The following SLC10A7 variants were observed in gnomAD, a reference collection of about 807,000 sequenced individuals.
SLC10A7 encodes sodium/bile acid cotransporter 7.
SLC10A7 carries 29 observed loss-of-function variants against 43.2 expected under a neutral mutation model. That is an observed-to-expected ratio of 0.67 (90% CI 0.50 to 0.92). SLC10A7 has a LOEUF of 0.92. Among genes scored for constraint, SLC10A7 ranks in the 40% least tolerant of loss-of-function variants. The pLI is 0.00. For missense variants in SLC10A7, 295 were observed against 403.2 expected, an observed-to-expected ratio of 0.73 and a Z score of 2.30; for synonymous variants, 152 against 144.8, an observed-to-expected ratio of 1.05 and a Z score of -0.35.
chr4:146,333,062 A>G (rs1272324996), intron 5 of SLC10A7, among the ~76,000 whole-genome samples: 1 of 152,170 alleles, frequency 6.6e-6, no homozygotes, highest in Non-Finnish European at 1.5e-5. Flanking sequence ...AGGTGAATAT[A>G]TGGTTTATGT....
At chr4:146,392,190 GAA>G (rs1738480937) in intron 5 of SLC10A7, among the ~76,000 whole-genome samples, 1 of 152,114 alleles carries the variant, frequency 6.6e-6, no homozygotes, top group African/African-American at 2.4e-5. Context: ...TATAATTTCT[GAA>G]ATTCGTGAAT....
intron 5 of SLC10A7, among the ~76,000 whole-genome samples, chr4:146,407,937 T>G (rs1313046809): frequency 1.3e-5 from 2 of 152,154 alleles, no homozygotes; most frequent in African/African-American, 4.8e-5. Flanking sequence ...AATGTTATCA[T>G]TTCCTACACG....
intron 5 of SLC10A7, among the ~76,000 whole-genome samples, chr4:146,406,913 G>A (rs937490185): frequency 2.0e-5 from 3 of 152,160 alleles, no homozygotes; most frequent in Non-Finnish European, 4.4e-5. Flanking sequence ...AATCAGGGAG[G>A]TGGAGGTTGC....
At chr4:146,513,954 T>C (rs892967933) in intron 2 of SLC10A7, 3 of 152,158 alleles carry the variant, frequency 2.0e-5, no homozygotes, top group African/African-American at 7.2e-5. Flanking sequence ...TCCATTAAAA[T>C]AAACTTAAGA....
At chr4:146,496,088 A>G (rs1278615754) in intron 4 of SLC10A7, among the ~76,000 whole-genome samples, 2 of 152,166 alleles carry the variant, frequency 1.3e-5, no homozygotes, top group African/African-American at 4.8e-5. Flanking sequence ...GGTGGAGCTG[A>G]CCTCACTTGT....
intron 5 of SLC10A7, among the ~76,000 whole-genome samples, chr4:146,382,581 C>T (rs1325031825): frequency 6.6e-6 from 1 of 152,032 alleles, no homozygotes; most frequent in African/African-American, 2.4e-5. Context: ...TAGGGGTTAC[C>T]AAGGCATGTT....
intron 4 of SLC10A7, among the ~76,000 whole-genome samples, chr4:146,444,594 A>G (rs1384011044): frequency 3.3e-5 from 5 of 152,208 alleles, no homozygotes; most frequent in Admixed American, 3.3e-4. Flanking sequence ...TCTCTTCTTT[A>G]ACCCAAACGC....
At chr4:146,380,178 C>A (rs1737510724) in intron 5 of SLC10A7, among the ~76,000 whole-genome samples, 1 of 151,962 alleles carries the variant, frequency 6.6e-6, no homozygotes, top group African/African-American at 2.4e-5. Context: ...TAGTTTTAAT[C>A]CCTCTGGATC....
rs72954574 is a variant in SLC10A7 at position 146,479,815 on chromosome 4, A to C, written c.396+24034T>G. ...TGATATAAAAACCCAAAGACAATAA[A>C]AATTCCAATATCTTTTGTTTAGACT... On this transcript the variant is annotated intron_variant, in intron 4 of 11. Coordinates refer to ENST00000335472, the MANE Select transcript of SLC10A7 (RefSeq NM_001029998.6). Among the ~76,000 whole-genome samples the C allele has an allele frequency of 8.9e-3, 1,352 of 152,328 alleles. 19 individuals carry two copies. The highest frequency in any genetic ancestry group is 0.03 in the African/African-American group (1,265 of 41,574).
intron 5 of SLC10A7, among the ~76,000 whole-genome samples, chr4:146,387,372 T>A (rs1738087014): frequency 6.6e-6 from 1 of 152,170 alleles, no homozygotes; most frequent in African/African-American, 2.4e-5. Flanking sequence ...AAAAACCATA[T>A]GATCATCTCA....
intron 5 of SLC10A7, among the ~76,000 whole-genome samples, chr4:146,400,890 C>T (rs1042207685): frequency 6.6e-6 from 1 of 152,158 alleles, no homozygotes; most frequent in African/African-American, 2.4e-5. Context: ...AGTGAGTCTG[C>T]ATGCACTAAA....
intron 9 of SLC10A7, among the ~76,000 whole-genome samples, chr4:146,287,533 G>A (rs2111154078): frequency 6.6e-6 from 1 of 152,294 alleles, no homozygotes; most frequent in South Asian, 2.1e-4. Context: ...TGTAAAGTGT[G>A]AGCCAACTTT....
intron 4 of SLC10A7, among the ~76,000 whole-genome samples, chr4:146,447,923 TA>T (rs1165081631): frequency 0.028 from 3,925 of 142,200 alleles, 158 homozygotes; most frequent in African/African-American, 0.091. Context: ...GTAAATTTCT[TA>T]AAAAAAAAAA....
chr4:146,286,847 G>A (rs951693591), intron 9 of SLC10A7, among the ~76,000 whole-genome samples: 894 of 14,662 alleles, frequency 0.061, no homozygotes, highest in African/African-American at 0.21. Flanking sequence ...ACTGTGTTTG[G>A]AGTGGTGAGA....
At chr4:146,299,637 C>T (rs1371766467) in intron 7 of SLC10A7, among the ~76,000 whole-genome samples, 1 of 151,996 alleles carries the variant, frequency 6.6e-6, no homozygotes, top group Non-Finnish European at 1.5e-5. Flanking sequence ...GTCAGTGAGA[C>T]GTGAGTGCAA....
intron 4 of SLC10A7, chr4:146,478,108 T>A (rs1734181118): frequency 6.6e-6 from 1 of 152,212 alleles, no homozygotes; most frequent in Non-Finnish European, 1.5e-5. Flanking sequence ...AGACTGTTAA[T>A]AATGGGAATG....
chr4:146,436,046 T>A (rs936663029), intron 5 of SLC10A7, among the ~76,000 whole-genome samples: 6 of 151,890 alleles, frequency 4.0e-5, no homozygotes, highest in Non-Finnish European at 7.4e-5. Flanking sequence ...ATCATTGCTT[T>A]AAAAAAAATC....
chr4:146,413,677 C>T (rs1415878667), intron 5 of SLC10A7, among the ~76,000 whole-genome samples: 5 of 152,058 alleles, frequency 3.3e-5, no homozygotes, highest in Non-Finnish European at 5.9e-5. Context: ...CTATCGTTTG[C>T]AGACTTTCCA....
At position 146,256,274 on chromosome 4, in the gene SLC10A7, C is replaced by A; in HGVS notation, c.*217G>T. 1.8e-6 allele frequency: 1 copy of A among 566,534 alleles called. No homozygotes were observed. Among genetic ancestry groups the A allele is most frequent in the Non-Finnish European group, 3.1e-6 (1 of 319,774 alleles). The allele number at this position is 566,534 out of a possible 1,614,324, so 35.1% of individuals were successfully genotyped here. ...GCATTAGGAAAGCAAAATTAACCCC[C>A]AAATATTGTACCACCCCTGGCAGTA... On this transcript the variant is annotated 3_prime_UTR_variant, in exon 12 of 12. Coordinates refer to ENST00000335472, the MANE Select transcript of SLC10A7 (RefSeq NM_001029998.6).
Sources: gnomAD v4.1 joint callset for allele counts (sites outside exome capture counted in the v4.1 genomes callset) on GRCh38, gnomAD v4.1.1 for gene constraint, MANE v1.5 for transcripts, NCBI Gene and HGNC (gene_info 2026-07-23, HGNC 2026-07-21) for gene names.